The following MBOAT7 variants were observed in gnomAD, a reference collection of about 807,000 sequenced individuals.
MBOAT7 encodes the protein membrane bound acylglycerophosphatidylinositol O-acyltransferase MBOAT7.
A neutral mutation model predicts 47.4 loss-of-function variants in MBOAT7; 40 were observed. That is an observed-to-expected ratio of 0.84 (90% CI 0.66 to 1.10). MBOAT7 has a LOEUF of 1.10. Ranked by LOEUF, MBOAT7 falls within the 50% of genes least tolerant of loss-of-function variation. MBOAT7 has a pLI of 0.00. For missense variants in MBOAT7, 680 were observed against 655.6 expected (o/e 1.04, Z -0.41); for synonymous variants, 361 against 292.0 (o/e 1.24, Z -2.41).
chr19:54,180,655 CT>C lies in MBOAT7; in HGVS notation c.854+117del. ...TGGTTGCCGAGGGGGCGACACTCTG[CT>C]CAAAAAGGTGGTGGCCCTGGCCCCT... On this transcript the variant is annotated intron_variant, in intron 6 of 7. Transcript: ENST00000245615. This position sits in a 1 kb window ranked among gnomAD's most constrained non-coding sequence, Gnocchi z 5.2. 1 of 998,142 alleles carries C rather than the reference CT, an allele frequency of 1.0e-6. No individual in the cohort carries two copies. The highest frequency in any genetic ancestry group is 1.7e-5 in the South Asian group (1 of 57,852). 61.8% of individuals were successfully genotyped at this position (998,142 alleles called of 1,614,324 possible). A position where few individuals can be genotyped will look rare whatever the true frequency, so the allele number is the denominator to read the frequency against.
intron 7 of MBOAT7, among the ~76,000 whole-genome samples, chr19:54,175,382 C>A (rs2076078539): frequency 6.6e-6 from 1 of 152,140 alleles, no homozygotes; most frequent in Non-Finnish European, 1.5e-5. Context: ...ACCAGAAGCC[C>A]TGGGGGTGGG....
rs754265522 is a variant in MBOAT7 at position 54,180,812 on chromosome 19, G to T, written c.815C>A (p.Ala272Asp). Residue 272 changes from alanine to aspartate, a missense_variant, in exon 6 of 8, where the codon GCC (alanine) becomes GAC (aspartate). Physicochemically the swap from Ala to Asp is moderately radical, Grantham distance 126 (BLOSUM62 -2). Transcript: ENST00000245615. The surrounding 1 kb of genome is among the most constrained non-coding windows in gnomAD (Gnocchi z 5.2). The part of the protein sequence containing the change: ...GAYPVAAKAR[A>D]GGGPTLQCPP... ...GCATTGGAGGGTGGGGCCGCCTCCG[G>T]CCCGGGCTTTGGCGGCCACGGGGTA... is the stretch of plus-strand genomic sequence containing the variant. The T allele has an allele frequency of 5.8e-6, 9 of 1,562,852 alleles. No individual in the cohort carries two copies. Among genetic ancestry groups the T allele is most frequent in the Admixed American group, 1.9e-5 (1 of 52,322 alleles).
rs767593470 is a variant in MBOAT7, at chr19:54,180,778, G to T, written c.849C>A (p.Pro283=). The change falls in exon 6 of 8, where the codon CCC becomes CCA. Residue 283 remains proline, a synonymous_variant. Coordinates refer to ENST00000245615, the MANE Select transcript of MBOAT7 (RefSeq NM_024298.5). The surrounding 1 kb of genome is among the most constrained non-coding windows in gnomAD (Gnocchi z 5.2). ...CCTCCCTCGCGCCGCCTGACCTGCT[G>T]GGGGGTGGGCATTGGAGGGTGGGGC... ...GGGPTLQCPP[P]SSPEKAASLE... is the part of the protein sequence containing the mutation. 2.0e-6 allele frequency: 3 copies of T among 1,537,692 alleles called. No homozygotes were observed. The highest frequency in any genetic ancestry group is 1.2e-5 in the South Asian group (1 of 82,674).
rs183896682 is a variant in MBOAT7 at position 54,186,057 on chromosome 19, A to C, written c.333+1104T>G. On this transcript the variant is annotated intron_variant, in intron 4 of 7. Transcript: ENST00000245615. ...AGATGGAGTTTTGCTCTTGTTGCCC[A>C]GGCTGGAGTGCAATGGTACGATCTC... Among the ~76,000 whole-genome samples, 7 of 151,440 alleles carry C rather than the reference A, an allele frequency of 4.6e-5. No homozygotes were observed. The East Asian group carries it at 1.2e-3, about 25-fold the overall frequency.
intron 7 of MBOAT7, among the ~76,000 whole-genome samples, chr19:54,175,131 A>G (rs555485178): frequency 1.5e-4 from 23 of 151,970 alleles, no homozygotes; most frequent in East Asian, 3.9e-4. Context: ...GCCTGCCACC[A>G]CGCCCGGCTA....
At chr19:54,182,328 T>A (rs1327612181) in intron 5 of MBOAT7, among the ~76,000 whole-genome samples, 4 of 152,062 alleles carry the variant, frequency 2.6e-5, no homozygotes, top group Non-Finnish European at 5.9e-5. Flanking sequence ...AACAGGCAAA[T>A]CTTTACAGAT....
intron 7 of MBOAT7, among the ~76,000 whole-genome samples, chr19:54,175,057 G>C (rs1308755453): frequency 4.1e-5 from 6 of 146,264 alleles, no homozygotes; most frequent in Admixed American, 1.4e-4. Context: ...CTCACTGCAA[G>C]CTCCGCCTCC....
rs756923309 is a variant in MBOAT7, at chr19:54,178,943, T to TG, written c.855-3dup. ...TCCAAGGAAGCCGCCTTCTCCGGACTGGGGGGTGGAGGATGAGGGTGGGGG... is the reference window on the plus strand; with the variant it reads ...TCCAAGGAAGCCGCCTTCTCCGGACTGGGGGGGTGGAGGATGAGGGTGGGGG... On this transcript the variant is annotated splice_region_variant and splice_polypyrimidine_tract_variant and intron_variant, in intron 6 of 7. Transcript: ENST00000245615. The TG allele has an allele frequency of 6.5e-5, 104 of 1,611,972 alleles. No homozygotes were observed. Among genetic ancestry groups the TG allele is most frequent in the African/African-American group, 9.4e-5 (7 of 74,842 alleles).
rs1316416129 is a variant in MBOAT7, at chr19:54,173,590, G to C, written c.*454C>G. 1 of 183,520 alleles carries C rather than the reference G, an allele frequency of 5.4e-6. No homozygotes were observed. Among genetic ancestry groups the C allele is most frequent in the East Asian group, 1.5e-4 (1 of 6,676 alleles). 11.4% of individuals were successfully genotyped at this position (183,520 alleles called of 1,614,324 possible). On this transcript the variant is annotated 3_prime_UTR_variant, in exon 8 of 8. Coordinates refer to ENST00000245615, the MANE Select transcript of MBOAT7 (RefSeq NM_024298.5). ...CAGTTTCCCCTTTGTGAAATGGGAA[G>C]CTTATGCTTCCTTCCAAGTCTGCAA...
intron 7 of MBOAT7, among the ~76,000 whole-genome samples, chr19:54,175,876 C>T (rs1306045161): frequency 1.3e-5 from 2 of 152,212 alleles, no homozygotes; most frequent in South Asian, 2.1e-4. Flanking sequence ...AGGTGCCCAC[C>T]ACCATGCCAG....
In MBOAT7 at chr19:54,174,283, C is replaced by T. The variant is rs750401463; in HGVS notation, c.1180G>A (p.Ala394Thr). The change falls in exon 8 of 8, where the codon GCC (alanine) becomes ACC (threonine). Residue 394 changes from alanine (A) to threonine (T), a missense_variant. Transcript: ENST00000245615. ...AGGAACCAGTGCACCCAGTCCCAGG[C>T]CTTCTGGCCCCCTGGGCTCAGCCGC... ...RGRLSPGGQK[A>T]WDWVHWFLKM... 2 of 1,612,846 alleles carry T rather than the reference C, an allele frequency of 1.2e-6. No individual in the cohort carries two copies. The highest frequency in any genetic ancestry group is 1.7e-6 in the Non-Finnish European group (2 of 1,179,326).
intron 5 of MBOAT7, among the ~76,000 whole-genome samples, chr19:54,181,629 G>A (rs1164257451): frequency 1.8e-4 from 22 of 124,036 alleles, no homozygotes; most frequent in South Asian, 6.4e-4. Context: ...GAGGGAGGGA[G>A]GGAGGGAGGG....
At chr19:54,178,238 T>C (rs1306630623) in intron 7 of MBOAT7, 1 of 991,572 alleles carries the variant, frequency 1.0e-6, no homozygotes, top group Non-Finnish European at 1.2e-6. Flanking sequence ...GCTGCACAGA[T>C]AACAGTGTCA....
intron 5 of MBOAT7, 83 bp downstream of exon 5, chr19:54,183,438 G>A: frequency 3.3e-6 from 5 of 1,515,090 alleles, no homozygotes; most frequent in Non-Finnish European, 4.5e-6. Flanking sequence ...GCCCTGGGCA[G>A]GGCGGGAACA....
chr19:54,187,277 C>T lies in MBOAT7; in HGVS notation c.217G>A (p.Ala73Thr), dbSNP rs759456879. 10 of 1,609,596 alleles carry T rather than the reference C, an allele frequency of 6.2e-6. No individual in the cohort carries two copies. The Admixed American group carries it at 6.7e-5, about 11-fold the overall frequency. Residue 73 changes from alanine (A) to threonine (T), a missense_variant, in exon 4 of 8, where the codon GCC becomes ACC. Transcript: ENST00000245615. The part of the protein sequence containing the change: ...LIQAQPCSCH[A>T]LALAWTFSYL... Reference sequence around the variant, plus strand: ...GAGAAAGTCCAGGCCAGAGCCAGGGCGTGGCAGGAGCTGGGCAAAAGCAGG... The same window carrying T: ...GAGAAAGTCCAGGCCAGAGCCAGGGTGTGGCAGGAGCTGGGCAAAAGCAGG...
At chr19:54,177,798 C>T (rs762103503) in intron 7 of MBOAT7, among the ~76,000 whole-genome samples, 20 of 150,772 alleles carry the variant, frequency 1.3e-4, no homozygotes, top group Non-Finnish European at 2.4e-4. Context: ...GGCTGGTCTT[C>T]ACCATATTGC....
At chr19:54,183,271 C>T (rs1600663513) in intron 5 of MBOAT7, among the ~76,000 whole-genome samples, 1 of 152,200 alleles carries the variant, frequency 6.6e-6, no homozygotes, top group East Asian at 1.9e-4. Flanking sequence ...TTTATCTCTT[C>T]TCTTTGCTCC....
intron 7 of MBOAT7, among the ~76,000 whole-genome samples, chr19:54,174,829 T>G (rs2076040831): frequency 6.6e-6 from 1 of 152,200 alleles, no homozygotes; most frequent in Non-Finnish European, 1.5e-5. Flanking sequence ...TACAGGCCTC[T>G]GTCTCCTTCA....
At position 54,181,054 on chromosome 19, in the gene MBOAT7, C is replaced by T. The variant is rs1379401191; in HGVS notation, c.573G>A (p.Leu191=). ...FPGAVPSLRP[L]LRRAWPAPLF... is the part of the protein sequence containing the mutation. ...GCGGGGCCGGCCAGGCGCGGCGCAG[C>T]AGGGGCCGCAGGCTGGGCACTGCCC... The change falls in exon 6 of 8, where the codon CTG becomes CTA. Residue 191 remains leucine (L), a synonymous_variant. Transcript: ENST00000245615. The T allele has an allele frequency of 4.5e-6, 7 of 1,540,986 alleles. No individual in the cohort carries two copies. The Admixed American group carries it at 1.2e-4, about 26-fold the overall frequency.
Sources: gnomAD v4.1 joint callset for allele counts (sites outside exome capture counted in the v4.1 genomes callset) on GRCh38, gnomAD v4.1.1 for gene constraint, Gnocchi (gnomAD v3.1) non-coding constraint, MANE v1.5 for transcripts, NCBI Gene and HGNC (gene_info 2026-07-23, HGNC 2026-07-21) for gene names.